Variants in TMC4 observed in about 807,000 individuals in gnomAD.
TMC4 encodes transmembrane channel like 4.
In TMC4, 70 loss-of-function variants were observed where a neutral mutation model predicts 82.0. The ratio of observed to expected loss-of-function variants is 0.85; its 90% CI spans 0.70 to 1.04. The LOEUF is 1.04. Among genes scored for constraint, TMC4 ranks in the 50% least tolerant of loss-of-function variants. The pLI, the probability that TMC4 is intolerant of heterozygous loss-of-function variation, is 0.00. For synonymous variants in TMC4, 446 were observed against 406.0 expected, an observed-to-expected ratio of 1.10 and a Z score of -1.18; for missense variants, 879 against 899.0, an observed-to-expected ratio of 0.98 and a Z score of 0.28.
At chr19:54,168,393 G>T (rs1381446659) in intron 4 of TMC4, 55 bp downstream of exon 4, 26 of 1,515,938 alleles carry the variant, frequency 1.7e-5, no homozygotes, top group Non-Finnish European at 2.3e-5. Context: ...TCGTGTCATT[G>T]AAGGCACTGG....
intron 8 of TMC4, 66 bp downstream of exon 8, chr19:54,163,658 A>G: frequency 6.4e-7 from 1 of 1,568,364 alleles, no homozygotes; most frequent in African/African-American, 1.4e-5. Context: ...CTTACCTGTC[A>G]GCGCCAACAT....
chr19:54,163,045 G>C lies in TMC4; in HGVS notation c.1392C>G (p.Tyr464Ter). The change falls in exon 9 of 15, where the codon TAC becomes TAG. Residue 464 changes from tyrosine (Y) to a stop codon, truncating the protein, a stop_gained. Transcript: ENST00000619895. LOFTEE classifies it high-confidence loss of function. ...ATGCCGTTCTCACCGGAAGTTGTTT[G>C]TAATTGTAGCCACAGGTTTTGCAGT... is the stretch of plus-strand genomic sequence containing the variant. ...AEDCKTCGYN[Y>*]KQLPCWETVL... is the part of the protein sequence containing the mutation. The C allele has an allele frequency of 6.2e-7, 1 of 1,614,142 alleles. No homozygotes were observed. Among genetic ancestry groups the C allele is most frequent in the Non-Finnish European group, 8.5e-7 (1 of 1,180,020 alleles).
rs1275910583 is a variant in TMC4, at chr19:54,165,487, A to G, written c.877T>C (p.Trp293Arg). 1 of 1,613,176 alleles carries G rather than the reference A, an allele frequency of 6.2e-7. No homozygotes were observed. Among genetic ancestry groups the G allele is most frequent in the Non-Finnish European group, 8.5e-7 (1 of 1,179,562 alleles). Residue 293 changes from tryptophan to arginine, a missense_variant, in exon 6 of 15, where the codon TGG (tryptophan) becomes CGG (arginine). By Grantham distance (101) the Trp-to-Arg change is moderately radical. Transcript: ENST00000619895. The part of the protein sequence containing the change: ...TSYSHRVFSA[W>R]DFGLCGDVHV... The stretch of plus-strand genomic sequence containing the variant: ...ACGTCCCCGCAGAGACCGAAGTCCC[A>G]GGCCGAGAACACCCGGTGGCTGTAG...
rs1015179055 is a variant in TMC4 at position 54,168,268 on chromosome 19, A to C, written c.700T>G (p.Phe234Val). The change falls in exon 5 of 15, where the codon TTC becomes GTC. Residue 234 changes from phenylalanine (F) to valine (V), a missense_variant. By Grantham distance (50) the Phe-to-Val change is conservative. Coordinates refer to ENST00000619895, the MANE Select transcript of TMC4 (RefSeq NM_144686.4). The stretch of plus-strand genomic sequence containing the variant: ...GGGCGGGGCGGGTAGAAGCCATAGA[A>C]GAGAGGGGACCATTCCAGGTAACCC... ...GEGYLEWSPL[F>V]YGFYPPRPRL... 6.4e-7 allele frequency: 1 copy of C among 1,556,398 alleles called. No homozygotes were observed. Among genetic ancestry groups the C allele is most frequent in the African/African-American group, 1.4e-5 (1 of 73,324 alleles).
Position 54,168,601 on chromosome 19 carries a change from G to A in TMC4, c.522C>T (p.Leu174=), listed in dbSNP as rs1600579062. 1.9e-6 allele frequency: 3 copies of A among 1,595,844 alleles called. No homozygotes were observed. The highest frequency in any genetic ancestry group is 2.6e-6 in the Non-Finnish European group (3 of 1,171,666). The stretch of plus-strand genomic sequence containing the variant: ...TGGGCAGCAGCGTCATGCAGGCCAT[G>A]AGCACAGAGGCCAGCACGTTAAGAA... ...LLLLNVLASV[L]MACMTLLPTW... Residue 174 remains leucine, a synonymous_variant, in exon 4 of 15, where the codon CTC becomes CTT. Coordinates refer to ENST00000619895, the MANE Select transcript of TMC4 (RefSeq NM_144686.4).
Position 54,162,132 on chromosome 19 carries a change from G to A in TMC4, c.1656C>T (p.Val552=). The change falls in exon 11 of 15, where the codon GTC becomes GTT. Residue 552 remains valine, a synonymous_variant. Transcript: ENST00000619895. The part of the protein sequence containing the change: ...FCPLLPLLNT[V]KFLLLFYLKK... ...TCAGGTAGAAAAGCAGCAGGAACTT[G>A]ACCGTGTTAAGCAGGGGCAGTAAAG... The A allele has an allele frequency of 1.2e-6, 2 of 1,613,448 alleles. No homozygotes were observed. Among genetic ancestry groups the A allele is most frequent in the Non-Finnish European group, 1.7e-6 (2 of 1,179,746 alleles).
intron 2 of TMC4, among the ~76,000 whole-genome samples, 154 bp from the exon 3 acceptor site, chr19:54,169,814 G>A (rs2075840410): frequency 1.3e-5 from 2 of 152,108 alleles, no homozygotes; most frequent in African/African-American, 4.8e-5. Flanking sequence ...AACCAGCTGG[G>A]TACAGTGGCT....
Position 54,172,906 on chromosome 19 carries a change from T to A in TMC4, c.79+133A>T, listed in dbSNP as rs1186036171. On this transcript the variant is annotated intron_variant, in intron 1 of 14. Coordinates refer to ENST00000619895, the MANE Select transcript of TMC4 (RefSeq NM_144686.4). ...CAGCCTCCAGTTCCCTTCTCCCCCA[T>A]AATATCAGGAAGTGGAACCTTCTCT... The A allele has an allele frequency of 7.9e-6, 6 of 756,748 alleles. No homozygotes were observed. In the African/African-American group the frequency reaches 8.8e-5, roughly 11 times the overall value. The allele number at this position is 756,748 out of a possible 1,614,324, so 46.9% of individuals were successfully genotyped here.
intron 1 of TMC4, 113 bp from the exon 2 acceptor site, chr19:54,172,196 GC>G: frequency 1.2e-6 from 1 of 820,038 alleles, no homozygotes; most frequent in South Asian, 2.3e-5. Context: ...AGGAGTCCAG[GC>G]CCCCGGCTCC....
Position 54,162,759 on chromosome 19 carries a change from A to G in TMC4, c.1416T>C (p.Thr472=), listed in dbSNP as rs1210258240. ...YNYKQLPCWE[T]VLGQEMYKLL... is the part of the protein sequence containing the mutation. ...GTTTGTACATTTCCTGGCCCAGGACAGTCTCCCAGCACTGAAGAAGGAAGA... is the reference window on the plus strand; with the variant it reads ...GTTTGTACATTTCCTGGCCCAGGACGGTCTCCCAGCACTGAAGAAGGAAGA... Residue 472 remains threonine, a synonymous_variant, in exon 10 of 15, where the codon ACT becomes ACC. Transcript: ENST00000619895. 1.9e-6 allele frequency: 3 copies of G among 1,614,040 alleles called. No homozygotes were observed. The highest frequency in any genetic ancestry group is 1.7e-6 in the Non-Finnish European group (2 of 1,179,956).
At chr19:54,163,241 T>G (rs2075612767) in intron 8 of TMC4, 82 bp from the exon 9 acceptor site, 4 of 1,546,906 alleles carry the variant, frequency 2.6e-6, no homozygotes, top group Middle Eastern at 3.6e-4. Context: ...CGCGCCCGCA[T>G]TCAACCCATC....
Position 54,171,852 on chromosome 19 carries a change from C to T in TMC4, c.293+18G>A. 6.3e-7 allele frequency: 1 copy of T among 1,577,422 alleles called. No homozygotes were observed. The highest frequency in any genetic ancestry group is 2.3e-5 in the East Asian group (1 of 43,770). On this transcript the variant is annotated intron_variant, in intron 2 of 14. Coordinates refer to ENST00000619895, the MANE Select transcript of TMC4 (RefSeq NM_144686.4). ...CCGGTCCGGGCTGTGCGGGTCCCAG[C>T]TGGAGGTGGGGCCTCACCTGTGTGC... is the stretch of plus-strand genomic sequence containing the variant.
intron 9 of TMC4, 107 bp from the exon 10 acceptor site, chr19:54,162,877 C>A: frequency 1.3e-6 from 2 of 1,513,498 alleles, no homozygotes; most frequent in South Asian, 1.1e-5. Flanking sequence ...TCAATACTTT[C>A]TCTGGGGGTC....
At chr19:54,164,320 C>T in intron 7 of TMC4, 114 bp downstream of exon 7, 2 of 1,340,634 alleles carry the variant, frequency 1.5e-6, no homozygotes, top group Non-Finnish European at 1.0e-6. Context: ...AACATACCCT[C>T]TCCCATACTT....
At chr19:54,164,049 G>T (rs1283965717) in intron 7 of TMC4, among the ~76,000 whole-genome samples, 162 bp from the exon 8 acceptor site, 1 of 147,584 alleles carries the variant, frequency 6.8e-6, no homozygotes, top group Non-Finnish European at 1.5e-5. Flanking sequence ...ATCTCGGCTC[G>T]CTGCAACCTC....
chr19:54,160,266 A>G lies in TMC4; in HGVS notation c.*40T>C, dbSNP rs782743886. ...ACAGATGTTGTGACCTAGGCTTACA[A>G]TGGGCCTGGGGTCTGAAAGCGGGAC... On this transcript the variant is annotated 3_prime_UTR_variant, in exon 15 of 15. Transcript: ENST00000619895. 5.3e-6 allele frequency: 8 copies of G among 1,500,350 alleles called. No individual in the cohort carries two copies. Among genetic ancestry groups the G allele is most frequent in the Non-Finnish European group, 5.3e-6 (6 of 1,124,072 alleles). 92.9% of individuals were successfully genotyped at this position (1,500,350 alleles called of 1,614,324 possible).
intron 5 of TMC4, among the ~76,000 whole-genome samples, chr19:54,167,936 G>A (rs7248069): frequency 4.0e-5 from 6 of 151,618 alleles, no homozygotes; most frequent in African/African-American, 1.5e-4. Flanking sequence ...GGTGGCGGGC[G>A]CCTGTAATCC....
In TMC4 at chr19:54,168,508, G is replaced by T; in HGVS notation, c.615C>A (p.Asn205Lys). The T allele has an allele frequency of 6.5e-7, 1 of 1,548,724 alleles. No individual in the cohort carries two copies. Among genetic ancestry groups the T allele is most frequent in the Non-Finnish European group, 8.7e-7 (1 of 1,146,432 alleles). The change falls in exon 4 of 15, where the codon AAC (asparagine) becomes AAA (lysine). Residue 205 changes from asparagine (N) to lysine (K), a missense_variant. By Grantham distance (94) the Asn-to-Lys change is moderately conservative (BLOSUM62 0). Transcript: ENST00000619895. ...AGGTGACCAGGCCCTGGGAGTGGGGGTTATAGGAGCCGCAGGGCGAGGAGA... is the reference window on the plus strand; with the variant it reads ...AGGTGACCAGGCCCTGGGAGTGGGGTTTATAGGAGCCGCAGGGCGAGGAGA... ...PDISSPCGSY[N>K]PHSQGLVTFA... is the part of the protein sequence containing the mutation.
At chr19:54,162,006 G>C in intron 11 of TMC4, 96 bp downstream of exon 11, 1 of 1,131,846 alleles carries the variant, frequency 8.8e-7, no homozygotes, top group Non-Finnish European at 1.2e-6. Flanking sequence ...TCAGGACCGA[G>C]TAATCCAGGC....
Sources: gnomAD v4.1 joint callset for allele counts (sites outside exome capture counted in the v4.1 genomes callset) on GRCh38, gnomAD v4.1.1 for gene constraint, MANE v1.5 for transcripts, NCBI Gene and HGNC (gene_info 2026-07-23, HGNC 2026-07-21) for gene names.